Variants in MED12L observed in about 807,000 individuals in gnomAD.
The protein encoded by MED12L is mediator complex subunit 12L.
In MED12L, 60 loss-of-function variants were observed where a neutral mutation model predicts 281.3. The ratio of observed to expected loss-of-function variants is 0.21; its 90% CI spans 0.17 to 0.26. MED12L has a LOEUF of 0.26. MED12L is among the 10% of genes least tolerant of loss of function. The probability of loss-of-function intolerance (pLI) is 1.00; values close to 1 mark genes in which losing one functional copy is unlikely to be tolerated. For missense variants in MED12L, 2,146 were observed against 2,680.9 expected, an observed-to-expected ratio of 0.80 and a Z score of 4.41; for synonymous variants, 974 against 987.2, an observed-to-expected ratio of 0.99 and a Z score of 0.25.
At chr3:151,368,627 TTTATTTCA>T (rs1755641974) in intron 25 of MED12L, among the ~76,000 whole-genome samples, 1 of 68,996 alleles carries the variant, frequency 1.4e-5, no homozygotes, top group Admixed American at 1.6e-4. Context: ...TTTATTTTAT[TTTATTTCA>T]TTTCATTTCA....
chr3:151,100,480 T>C (rs114110654), intron 2 of MED12L, among the ~76,000 whole-genome samples: 17 of 152,354 alleles, frequency 1.1e-4, no homozygotes, highest in Non-Finnish European at 1.6e-4. Flanking sequence ...GTTGGAATTT[T>C]TTGCTAAGAT....
intron 16 of MED12L, among the ~76,000 whole-genome samples, chr3:151,330,140 G>A (rs180859401): frequency 1.3e-5 from 2 of 152,250 alleles, no homozygotes; most frequent in Non-Finnish European, 2.9e-5. Context: ...TTCCTCATCT[G>A]TGTAATGGGT....
intron 16 of MED12L, among the ~76,000 whole-genome samples, chr3:151,238,915 C>T (rs376458814): frequency 2.6e-5 from 4 of 152,072 alleles, no homozygotes; most frequent in East Asian, 3.9e-4. Context: ...TTTACTTGAT[C>T]GAATGACAAA....
intron 27 of MED12L, among the ~76,000 whole-genome samples, chr3:151,375,704 A>G (rs1163915171): frequency 2.0e-5 from 3 of 152,134 alleles, no homozygotes; most frequent in Non-Finnish European, 4.4e-5. Context: ...TTATATAGCA[A>G]GTTAGAAAAA....
chr3:151,106,431 C>T (rs1722079565), intron 2 of MED12L, among the ~76,000 whole-genome samples: 1 of 150,320 alleles, frequency 6.7e-6, no homozygotes. Context: ...GCCTCAGCCT[C>T]CCAAAGTACT....
chr3:151,251,324 C>T (rs1251633519), intron 16 of MED12L, among the ~76,000 whole-genome samples: 1 of 152,128 alleles, frequency 6.6e-6, no homozygotes, highest in Non-Finnish European at 1.5e-5. Context: ...CCCAAGCTGT[C>T]AACAATTAAA....
intron 2 of MED12L, among the ~76,000 whole-genome samples, chr3:151,097,075 G>A (rs1207521744): frequency 6.6e-6 from 1 of 152,192 alleles, no homozygotes; most frequent in African/African-American, 2.4e-5. Context: ...CCTATCTGCA[G>A]CCTCTGGGGA....
chr3:151,219,903 C>A lies in MED12L; in HGVS notation c.2250+26237C>A, dbSNP rs141296934. ...ATTGGTTTATATTACCCCCCCCCCC[C>A]CCTTGGATATGGATGATCGAATCAA... On this transcript the variant is annotated intron_variant, in intron 16 of 44. Coordinates refer to ENST00000687756, the MANE Select transcript of MED12L (RefSeq NM_001393769.1). Among the ~76,000 whole-genome samples the A allele has an allele frequency of 5.6e-3, 772 of 136,842 alleles. 47 individuals are homozygous for A. The East Asian group carries it at 0.13, about 23-fold the overall frequency. The allele number at this position is 136,842 out of a possible 152,430, so 89.8% of individuals were successfully genotyped here. A position where few individuals can be genotyped will look rare whatever the true frequency, so the allele number is the denominator to read the frequency against.
In MED12L at chr3:151,199,265, T is replaced by C. The variant is rs773431728; in HGVS notation, c.2250+5599T>C. On this transcript the variant is annotated intron_variant, in intron 16 of 44. Coordinates refer to ENST00000687756, the MANE Select transcript of MED12L (RefSeq NM_001393769.1). ...CACACACCTGTGATTCGTATTCTTC[T>C]GTATAAAAGCCCAGGTTGCAAAACA... The C allele has an allele frequency of 2.5e-6, 4 of 1,614,002 alleles. No individual in the cohort carries two copies. Among genetic ancestry groups the C allele is most frequent in the Admixed American group, 3.3e-5 (2 of 59,998 alleles).
At chr3:151,422,122 G>A (rs1054076317) in intron 43 of MED12L, among the ~76,000 whole-genome samples, 1 of 152,100 alleles carries the variant, frequency 6.6e-6, no homozygotes, top group African/African-American at 2.4e-5. Context: ...GTTATAGAGC[G>A]TGCCAGTGAA....
chr3:151,176,477 A>G (rs1341777710), intron 11 of MED12L, among the ~76,000 whole-genome samples: 2 of 152,230 alleles, frequency 1.3e-5, no homozygotes, highest in Non-Finnish European at 2.9e-5. Flanking sequence ...TGGAGGACAT[A>G]AATGAAATTG....
intron 16 of MED12L, chr3:151,340,920 T>G (rs1751737905): frequency 3.9e-5 from 6 of 152,176 alleles, no homozygotes. Flanking sequence ...GGCTGAGAAG[T>G]CATCTTTTAA....
chr3:151,213,975 G>A lies in MED12L; in HGVS notation c.2250+20309G>A, dbSNP rs145635862. ...TTTTATAATATCTGTCAAAGCTGAT[G>A]AGCCCAAAGAACACAATGCTGACGT... is the stretch of plus-strand genomic sequence containing the variant. On this transcript the variant is annotated intron_variant, in intron 16 of 44. Coordinates refer to ENST00000687756, the MANE Select transcript of MED12L (RefSeq NM_001393769.1). 3.3e-4 allele frequency: 528 copies of A among 1,614,012 alleles called. 2 individuals carry two copies. In the African/African-American group the frequency reaches 6.1e-3, roughly 19 times the overall value.
At chr3:151,176,346 A>T (rs1483322922) in intron 11 of MED12L, among the ~76,000 whole-genome samples, 1 of 151,818 alleles carries the variant, frequency 6.6e-6, no homozygotes, top group African/African-American at 2.4e-5. Flanking sequence ...TTCACTTTCA[A>T]GAGTTATGTT....
At chr3:151,156,135 C>A (rs911403342) in intron 5 of MED12L, 26 bp from the exon 6 acceptor site, 1 of 1,565,900 alleles carries the variant, frequency 6.4e-7, no homozygotes, top group Non-Finnish European at 8.7e-7. Context: ...TCTAGAAACT[C>A]ATATTTTTCT....
In MED12L at chr3:151,426,723, T is replaced by C. The variant is rs975562025; in HGVS notation, c.6409-3576T>C. On this transcript the variant is annotated intron_variant, in intron 43 of 44. Transcript: ENST00000687756. ...TAATACTAAATATTGTTATGTTTAG[T>C]ACCTAAAGATAAACTTATGTTCCTG... Among the ~76,000 whole-genome samples, 4 of 152,148 alleles carry C rather than the reference T, an allele frequency of 2.6e-5. 1 individual carries two copies. Among genetic ancestry groups the C allele is most frequent in the Admixed American group, 2.6e-4 (4 of 15,276 alleles).
intron 2 of MED12L, among the ~76,000 whole-genome samples, chr3:151,110,731 T>C (rs1480966734): frequency 6.6e-6 from 1 of 152,140 alleles, no homozygotes; most frequent in Non-Finnish European, 1.5e-5. Context: ...CTTTATACGC[T>C]TGGTTCCTTC....
At chr3:151,413,399 C>T (rs1207111449) in intron 42 of MED12L, 104 bp downstream of exon 42, 1 of 1,317,182 alleles carries the variant, frequency 7.6e-7, no homozygotes, top group Non-Finnish European at 1.0e-6. Context: ...TTGCCAGATT[C>T]CAAGGATCCC....
intron 31 of MED12L, among the ~76,000 whole-genome samples, chr3:151,379,840 T>C (rs1261267484): frequency 6.6e-6 from 1 of 152,216 alleles, no homozygotes; most frequent in Non-Finnish European, 1.5e-5. Context: ...TTCACTGTCT[T>C]CTACCCTCAC....
Sources: gnomAD v4.1 joint callset for allele counts (sites outside exome capture counted in the v4.1 genomes callset) on GRCh38, gnomAD v4.1.1 for gene constraint, MANE v1.5 for transcripts, NCBI Gene and HGNC (gene_info 2026-07-23, HGNC 2026-07-21) for gene names.